BPTF: variants seen among roughly 807,000 people sequenced by gnomAD.
BPTF encodes the protein nucleosome-remodeling factor subunit BPTF.
Under a neutral mutation model 292.5 loss-of-function variants are expected in BPTF, and 18 were observed. The ratio of observed to expected loss-of-function variants is 0.06; its 90% CI spans 0.04 to 0.09. The LOEUF (loss-of-function observed/expected upper bound fraction) is 0.09, where lower values mean the gene tolerates loss of function less well. Ranked by LOEUF, BPTF falls within the 10% of genes least tolerant of loss-of-function variation. BPTF has a pLI of 1.00. For missense variants in BPTF, 2,726 were observed against 3,498.7 expected, an observed-to-expected ratio of 0.78 and a Z score of 5.57; for synonymous variants, 1,225 against 1,251.9, an observed-to-expected ratio of 0.98 and a Z score of 0.45.
At chr17:67,979,945 A>G (rs563015944) in intron 27 of BPTF, among the ~76,000 whole-genome samples, 31 of 151,916 alleles carry the variant, frequency 2.0e-4, no homozygotes, top group Admixed American at 1.1e-3. Flanking sequence ...GGAGGCTGAG[A>G]CAGGAGAATC....
chr17:67,894,246 A>G (rs2061302717), intron 7 of BPTF, 81 bp downstream of exon 7: 3 of 1,437,044 alleles, frequency 2.1e-6, no homozygotes, highest in Non-Finnish European at 9.6e-7. Context: ...GAAAGTTAAT[A>G]TATTTAAGAG....
intron 4 of BPTF, chr17:67,875,860 C>A: frequency 1.2e-6 from 1 of 851,242 alleles, no homozygotes; most frequent in Non-Finnish European, 1.6e-6. Context: ...TGCTTGCTTA[C>A]AGTGCCATCC....
At chr17:67,844,431 T>TA (rs1241854584) in intron 1 of BPTF, among the ~76,000 whole-genome samples, 3 of 151,274 alleles carry the variant, frequency 2.0e-5, no homozygotes, top group Non-Finnish European at 4.4e-5. Flanking sequence ...GTATTTGTAG[T>TA]AGAGATGGGG....
rs377684654 is a variant in BPTF, at chr17:67,850,732, C to G, written c.614-3208C>G. Among the ~76,000 whole-genome samples the G allele has an allele frequency of 1.5e-4, 23 of 152,246 alleles. 2 individuals carry two copies. The East Asian group carries it at 1.5e-3, about 10-fold the overall frequency. The stretch of plus-strand genomic sequence containing the variant: ...TAGCCCTAAATTACTCAAAATTGAT[C>G]TACAGAATTCTATCCAATGAATAAG... On this transcript the variant is annotated intron_variant, in intron 1 of 27. Transcript: ENST00000306378.
chr17:67,843,328 A>G (rs2057732173), intron 1 of BPTF, among the ~76,000 whole-genome samples: 1 of 150,646 alleles, frequency 6.6e-6, no homozygotes, highest in South Asian at 2.1e-4. Flanking sequence ...GATTGAGTCT[A>G]GCTTTATTGC....
chr17:67,911,673 C>T lies in BPTF; in HGVS notation c.3789C>T (p.Asp1263=). ...LHSSVPKSTN[D]RDATPLSRAM... ...CATCAGTGCCTAAAAGTACCAATGA[C>T]AGAGATGCCACACCTCTGTCAAGAG... The change falls in exon 11 of 28, where the codon GAC becomes GAT. Residue 1263 remains aspartate, a synonymous_variant. Coordinates refer to ENST00000306378, the MANE Select transcript of BPTF (RefSeq NM_182641.4). 1 of 1,614,148 alleles carries T rather than the reference C, an allele frequency of 6.2e-7. No individual in the cohort carries two copies. The highest frequency in any genetic ancestry group is 8.5e-7 in the Non-Finnish European group (1 of 1,180,030).
intron 1 of BPTF, among the ~76,000 whole-genome samples, chr17:67,835,324 C>A (rs1297665702): frequency 1.3e-5 from 2 of 152,218 alleles, no homozygotes; most frequent in Non-Finnish European, 2.9e-5. Context: ...AAATGTAGAG[C>A]ATTTGGGGCA....
intron 23 of BPTF, among the ~76,000 whole-genome samples, chr17:67,949,585 A>G (rs1172958861): frequency 3.3e-5 from 5 of 151,964 alleles, no homozygotes; most frequent in African/African-American, 9.7e-5. Context: ...AAAAAAAAAA[A>G]AGTAGACATC....
At position 67,961,971 on chromosome 17, in the gene BPTF, C is replaced by CA. The variant is rs59543153; in HGVS notation, c.8261+2108dup. Among the ~76,000 whole-genome samples the CA allele has an allele frequency of 4.4e-3, 528 of 120,714 alleles. 3 individuals are homozygous for CA. The highest frequency in any genetic ancestry group is 0.016 in the South Asian group (66 of 4,058). 79.2% of individuals were successfully genotyped at this position (120,714 alleles called of 152,430 possible). Reference sequence around the variant, plus strand: ...CCTGGGAGACAGAGCAAAGCTCTGTCAAAAAAAAAAAAGAAAAGAAAAAAA... The same window carrying CA: ...CCTGGGAGACAGAGCAAAGCTCTGTCAAAAAAAAAAAAAGAAAAGAAAAAAA... On this transcript the variant is annotated intron_variant, in intron 24 of 27. Transcript: ENST00000306378.
intron 11 of BPTF, among the ~76,000 whole-genome samples, chr17:67,915,083 C>T (rs924712051): frequency 6.6e-6 from 1 of 152,170 alleles, no homozygotes; most frequent in African/African-American, 2.4e-5. Flanking sequence ...TAGAATACAT[C>T]TGATGGTTAG....
intron 26 of BPTF, among the ~76,000 whole-genome samples, chr17:67,968,984 A>G (rs1456822063): frequency 2.7e-5 from 4 of 150,866 alleles, no homozygotes; most frequent in African/African-American, 7.4e-5. Context: ...TCCATCTCAA[A>G]AAAATAAAAA....
chr17:67,953,201 T>G (rs1555679248), intron 23 of BPTF, among the ~76,000 whole-genome samples: 2 of 151,890 alleles, frequency 1.3e-5, no homozygotes, highest in East Asian at 3.9e-4. Flanking sequence ...GACCTTGTGG[T>G]CCACCCACTT....
intron 9 of BPTF, among the ~76,000 whole-genome samples, chr17:67,907,312 G>C (rs1422788552): frequency 1.5e-5 from 2 of 135,928 alleles, no homozygotes; most frequent in Non-Finnish European, 3.1e-5. Flanking sequence ...CAAATACAAA[G>C]AGAATAATGA....
intron 1 of BPTF, among the ~76,000 whole-genome samples, chr17:67,839,417 G>A (rs1282720537): frequency 6.6e-6 from 1 of 151,674 alleles, no homozygotes; most frequent in Non-Finnish European, 1.5e-5. Flanking sequence ...TTTTTCTCCT[G>A]CAAGCTACAT....
At position 67,875,892 on chromosome 17, in the gene BPTF, A is replaced by G. The variant is rs1480291818; in HGVS notation, c.1864+872A>G. On this transcript the variant is annotated intron_variant, in intron 4 of 27. Coordinates refer to ENST00000306378, the MANE Select transcript of BPTF (RefSeq NM_182641.4). ...ATCCCCATTTGCTAAATTGTCACCT[A>G]ACATTTGGAGTTTGATAAATGTCCT... 3 of 604,072 alleles carry G rather than the reference A, an allele frequency of 5.0e-6. No individual in the cohort carries two copies. The African/African-American group carries it at 5.7e-5, about 12-fold the overall frequency. 37.4% of individuals were successfully genotyped at this position (604,072 alleles called of 1,614,324 possible).
At chr17:67,887,517 A>G (rs1260302580) in intron 4 of BPTF, among the ~76,000 whole-genome samples, 2 of 152,180 alleles carry the variant, frequency 1.3e-5, no homozygotes, top group Non-Finnish European at 1.5e-5. Context: ...GAATATATAT[A>G]TGTTTTATAG....
At chr17:67,893,191 T>C (rs959314335) in intron 5 of BPTF, 179 bp from the exon 6 acceptor site, 1 of 604,162 alleles carries the variant, frequency 1.7e-6, no homozygotes. Context: ...TCTTGGTTGT[T>C]TAATTGTAAA....
chr17:67,855,496 G>T (rs1463096405), intron 2 of BPTF, among the ~76,000 whole-genome samples: 1 of 152,118 alleles, frequency 6.6e-6, no homozygotes, highest in Non-Finnish European at 1.5e-5. Context: ...CTAAGGAAAG[G>T]TCAGTTCTGC....
intron 3 of BPTF, among the ~76,000 whole-genome samples, chr17:67,872,356 A>G (rs2059792745): frequency 6.6e-6 from 1 of 152,194 alleles, no homozygotes; most frequent in South Asian, 2.1e-4. Context: ...TTTTCATTAA[A>G]TGGCACTGGG....
Sources: gnomAD v4.1 joint callset for allele counts (sites outside exome capture counted in the v4.1 genomes callset) on GRCh38, gnomAD v4.1.1 for gene constraint, MANE v1.5 for transcripts, NCBI Gene and HGNC (gene_info 2026-07-23, HGNC 2026-07-21) for gene names.